L3MBTL4: variants seen among roughly 807,000 people sequenced by gnomAD.
The protein encoded by L3MBTL4 is L3MBTL histone methyl-lysine binding protein 4.
In L3MBTL4, 70 loss-of-function variants were observed where a neutral mutation model predicts 84.5. The ratio of observed to expected loss-of-function variants is 0.83; its 90% CI spans 0.68 to 1.01. The LOEUF (loss-of-function observed/expected upper bound fraction) is 1.01. Among genes scored for constraint, L3MBTL4 ranks in the 50% least tolerant of loss-of-function variants. The pLI is 0.00. For synonymous variants in L3MBTL4, 274 were observed against 259.8 expected (o/e 1.05, Z -0.52); for missense variants, 715 against 754.8 (o/e 0.95, Z 0.62).
At chr18:6,374,254 T>C (rs1470050163) in intron 1 of L3MBTL4, 2 of 152,708 alleles carry the variant, frequency 1.3e-5, no homozygotes, top group African/African-American at 2.4e-5. Context: ...GCTCTGGTTC[T>C]TTTTTGTGTA....
intron 1 of L3MBTL4, among the ~76,000 whole-genome samples, chr18:6,387,745 G>A (rs2054882529): frequency 6.6e-6 from 1 of 152,190 alleles, no homozygotes. Context: ...GGTGGCAGTG[G>A]GGAAGGTGCA....
chr18:6,263,767 C>T lies in L3MBTL4; in HGVS notation c.219+180G>A, dbSNP rs78348824. ...AGGTCACAGAGCTGGCAGGTGGCGGCGCCGGGCTCCAGCCCACTCTGAAAC... is the reference window on the plus strand; with the variant it reads ...AGGTCACAGAGCTGGCAGGTGGCGGTGCCGGGCTCCAGCCCACTCTGAAAC... On this transcript the variant is annotated intron_variant, in intron 5 of 18. Transcript: ENST00000317931. Among the ~76,000 whole-genome samples, 1,330 of 152,266 alleles carry T rather than the reference C, an allele frequency of 8.7e-3. 20 individuals are homozygous for T. The highest frequency in any genetic ancestry group is 0.031 in the African/African-American group (1,288 of 41,554).
chr18:6,014,625 A>G (rs915232899), intron 16 of L3MBTL4, among the ~76,000 whole-genome samples: 9 of 152,102 alleles, frequency 5.9e-5, no homozygotes, highest in African/African-American at 2.2e-4. Context: ...GGAGGACTAG[A>G]ATAACAGAAC....
chr18:6,131,750 C>T (rs927071859), intron 14 of L3MBTL4, among the ~76,000 whole-genome samples: 34 of 152,054 alleles, frequency 2.2e-4, no homozygotes, highest in East Asian at 1.9e-4. Context: ...TGTGTGTGTG[C>T]GCAAGTGCAT....
At chr18:6,225,904 G>C (rs1312600034) in intron 10 of L3MBTL4, among the ~76,000 whole-genome samples, 11 of 151,836 alleles carry the variant, frequency 7.2e-5, no homozygotes. Flanking sequence ...ACAATGTTAA[G>C]GCAAAATAAA....
intron 10 of L3MBTL4, among the ~76,000 whole-genome samples, chr18:6,229,220 G>GC (rs1323657741): frequency 6.6e-6 from 1 of 152,182 alleles, no homozygotes; most frequent in East Asian, 1.9e-4. Context: ...AAAGTAACAG[G>GC]CTTGCCCCTG....
At chr18:6,103,193 T>G (rs1378690754) in intron 14 of L3MBTL4, among the ~76,000 whole-genome samples, 1 of 152,250 alleles carries the variant, frequency 6.6e-6, no homozygotes, top group African/African-American at 2.4e-5. Flanking sequence ...ACTACACAGT[T>G]AACATTAAGC....
rs113248343 is a variant in L3MBTL4, at chr18:6,171,378, A to G, written c.1096+450T>C. ...AGTCAGAAATAATAAAGATGCGAGT[A>G]AAGTAGAGGATTTTAAATTTTTTTA... On this transcript the variant is annotated intron_variant, in intron 13 of 18. Coordinates refer to ENST00000317931, the MANE Select transcript of L3MBTL4 (RefSeq NM_001330559.2). Among the ~76,000 whole-genome samples, 1,276 of 152,364 alleles carry G rather than the reference A, an allele frequency of 8.4e-3. 11 individuals are homozygous for G. Among genetic ancestry groups the G allele is most frequent in the South Asian group, 0.026 (127 of 4,828 alleles).
rs368713996 is a variant in L3MBTL4, at chr18:6,160,459, C to T, written c.1096+11369G>A. ...CCAAACGCACAGAGTTGGCCAGGGG[C>T]GGTGGCTCACGCCTGTAATCCCAAC... On this transcript the variant is annotated intron_variant, in intron 13 of 18. Transcript: ENST00000317931. Among the ~76,000 whole-genome samples the T allele has an allele frequency of 1.7e-4, 26 of 152,242 alleles. No individual in the cohort carries two copies. The East Asian group carries it at 3.5e-3, about 20-fold the overall frequency.
At chr18:6,045,718 C>T (rs1218999286) in intron 16 of L3MBTL4, among the ~76,000 whole-genome samples, 1 of 152,152 alleles carries the variant, frequency 6.6e-6, no homozygotes, top group East Asian at 1.9e-4. Flanking sequence ...GGTAAGGACA[C>T]AGCCAAACTA....
chr18:5,969,602 G>A (rs369240470), intron 16 of L3MBTL4, 40 bp from the exon 17 acceptor site: 9 of 1,558,336 alleles, frequency 5.8e-6, no homozygotes, highest in Non-Finnish European at 6.1e-6. Context: ...CAGGCTCCCA[G>A]AGAGCAAGCA....
At chr18:6,286,853 G>A (rs916696941) in intron 4 of L3MBTL4, among the ~76,000 whole-genome samples, 1 of 152,092 alleles carries the variant, frequency 6.6e-6, no homozygotes. Flanking sequence ...GCTGTGAAGG[G>A]GTCTTCCCCC....
chr18:6,207,579 CT>C (rs1326968768), intron 12 of L3MBTL4, among the ~76,000 whole-genome samples: 2 of 152,132 alleles, frequency 1.3e-5, no homozygotes, highest in Non-Finnish European at 2.9e-5. Flanking sequence ...TCTGCTTCAA[CT>C]TTTCTGGAAT....
intron 1 of L3MBTL4, among the ~76,000 whole-genome samples, chr18:6,357,055 G>T (rs1435985618): frequency 6.6e-6 from 1 of 152,086 alleles, no homozygotes; most frequent in Non-Finnish European, 1.5e-5. Context: ...TATGCAGTCC[G>T]TCACTGATGA....
At chr18:6,382,327 C>T (rs1356345999) in intron 1 of L3MBTL4, among the ~76,000 whole-genome samples, 1 of 152,170 alleles carries the variant, frequency 6.6e-6, no homozygotes, top group Non-Finnish European at 1.5e-5. Context: ...CTGAAGCCTA[C>T]TTCTGTCAAT....
intron 1 of L3MBTL4, chr18:6,395,562 C>T (rs924826109): frequency 1.3e-5 from 2 of 152,054 alleles, no homozygotes; most frequent in Non-Finnish European, 2.9e-5. Flanking sequence ...TTACTGTTCT[C>T]GGTCCTAAAA....
intron 13 of L3MBTL4, among the ~76,000 whole-genome samples, chr18:6,157,791 A>C (rs1192993245): frequency 6.6e-6 from 1 of 152,228 alleles, no homozygotes; most frequent in Non-Finnish European, 1.5e-5. Context: ...TGATAATTTA[A>C]TTTACTTTGT....
rs1225895364 is a variant in L3MBTL4, at chr18:6,405,345, C to T, written c.-91+9456G>A. 5.9e-5 allele frequency among the ~76,000 whole-genome samples: 9 copies of T among 152,316 alleles called. No individual in the cohort carries two copies. The South Asian group carries it at 8.3e-4, about 14-fold the overall frequency. On this transcript the variant is annotated intron_variant, in intron 1 of 18. Transcript: ENST00000317931. ...CATGGTCTCTGGAGGGAGCGCAATG[C>T]GATCCAGCTGACAAAAACAAAAGCT...
chr18:6,276,825 A>G (rs974300933), intron 4 of L3MBTL4, among the ~76,000 whole-genome samples: 1 of 152,110 alleles, frequency 6.6e-6, no homozygotes, highest in Non-Finnish European at 1.5e-5. Context: ...TAGCGGCTCT[A>G]TAAATTTCCG....
Sources: allele counts gnomAD v4.1 joint callset (sites outside exome capture counted in the v4.1 genomes callset), GRCh38; gene constraint gnomAD v4.1.1; transcripts MANE v1.5; gene names NCBI Gene and HGNC (gene_info 2026-07-23, HGNC 2026-07-21).